KIF16B: variants seen among roughly 807,000 people sequenced by gnomAD.
The protein encoded by KIF16B is kinesin family member 16B.
Under a neutral mutation model 156.3 loss-of-function variants are expected in KIF16B, and 98 were observed. That is an observed-to-expected ratio of 0.63 (90% CI 0.53 to 0.74). The LOEUF (loss-of-function observed/expected upper bound fraction) is 0.74, where lower values mean the gene tolerates loss of function less well. Ranked by LOEUF, KIF16B falls within the 30% of genes least tolerant of loss-of-function variation. The pLI is 0.00. For missense variants in KIF16B, 1,421 were observed against 1,606.5 expected (o/e 0.88, Z 1.97); for synonymous variants, 564 against 583.7 (o/e 0.97, Z 0.49).
rs546588955 is a variant in KIF16B at position 16,385,813 on chromosome 20, A to T, written c.1785-4066T>A. On this transcript the variant is annotated intron_variant, in intron 17 of 25. Coordinates refer to ENST00000354981, the MANE Select transcript of KIF16B (RefSeq NM_024704.5). ...ACGGGGGACTCACTCCATACCTGGC[A>T]CTGTTCTAGGTACTGTGAATTTAAT... 2.6e-5 allele frequency among the ~76,000 whole-genome samples: 4 copies of T among 152,288 alleles called. No individual in the cohort carries two copies. The East Asian group carries it at 7.7e-4, about 29-fold the overall frequency.
intron 17 of KIF16B, among the ~76,000 whole-genome samples, chr20:16,384,369 C>A (rs766752458): frequency 3.3e-5 from 5 of 152,108 alleles, no homozygotes; most frequent in Non-Finnish European, 7.4e-5. Flanking sequence ...TCAAGGCAAG[C>A]TTCCTGAAGA....
intron 1 of KIF16B, 69 bp downstream of exon 1, chr20:16,573,160 G>A (rs2071517867): frequency 1.4e-6 from 2 of 1,435,840 alleles, no homozygotes; most frequent in Admixed American, 2.0e-5. Flanking sequence ...TGGCTTTGGG[G>A]GAGCTGGAAA....
intron 12 of KIF16B, among the ~76,000 whole-genome samples, chr20:16,433,643 A>G (rs906130999): frequency 6.6e-6 from 1 of 152,016 alleles, no homozygotes; most frequent in Non-Finnish European, 1.5e-5. Context: ...ATACACTTCC[A>G]TATATATAAT....
chr20:16,504,317 GA>G, intron 10 of KIF16B, 54 bp downstream of exon 10: 1 of 1,547,276 alleles, frequency 6.5e-7, no homozygotes, highest in Non-Finnish European at 8.9e-7. Flanking sequence ...TTAAGATCTA[GA>G]AATAGATGCC....
At chr20:16,274,202 T>C (rs1035270902) in intron 25 of KIF16B, among the ~76,000 whole-genome samples, 1 of 151,990 alleles carries the variant, frequency 6.6e-6, no homozygotes. Flanking sequence ...GGGAAAGCAA[T>C]ACTGAGGACA....
Position 16,303,186 on chromosome 20 carries a change from G to A in KIF16B, c.3795+9149C>T, listed in dbSNP as rs527970272. On this transcript the variant is annotated intron_variant, in intron 25 of 25. Coordinates refer to ENST00000354981, the MANE Select transcript of KIF16B (RefSeq NM_024704.5). The stretch of plus-strand genomic sequence containing the variant: ...ATTAACCATTACAACTATATAAGAT[G>A]GGTAATATTATTTCCATTTTATGCG... Among the ~76,000 whole-genome samples, 17 of 152,196 alleles carry A rather than the reference G, an allele frequency of 1.1e-4. No individual in the cohort carries two copies. The South Asian group carries it at 2.7e-3, about 24-fold the overall frequency.
rs905653981 is a variant in KIF16B at position 16,520,716 on chromosome 20, C to T, written c.232-5052G>A. Among the ~76,000 whole-genome samples, 3 of 152,194 alleles carry T rather than the reference C, an allele frequency of 2.0e-5. No homozygotes were observed. In the South Asian group the frequency reaches 6.2e-4, roughly 32 times the overall value. On this transcript the variant is annotated intron_variant, in intron 3 of 25. Coordinates refer to ENST00000354981, the MANE Select transcript of KIF16B (RefSeq NM_024704.5). ...CTGCCTCCTCAAGTGGGTCCCTGAC[C>T]CCTGTGCCTCCTGACTGAGAGACAC... is the stretch of plus-strand genomic sequence containing the variant.
chr20:16,513,086 C>G lies in KIF16B; in HGVS notation c.349-163G>C, dbSNP rs953462804. ...ACCCCCTCCAGGGCTGCTTTCTACT[C>G]TCTGAAATGAGATGATTGAGCCTTC... On this transcript the variant is annotated intron_variant, in intron 4 of 25. Coordinates refer to ENST00000354981, the MANE Select transcript of KIF16B (RefSeq NM_024704.5). 3.3e-5 allele frequency among the ~76,000 whole-genome samples: 5 copies of G among 152,326 alleles called. No homozygotes were observed. In the East Asian group the frequency reaches 7.7e-4, roughly 24 times the overall value.
chr20:16,513,053 C>T lies in KIF16B; in HGVS notation c.349-130G>A, dbSNP rs9305127. 9.0e-3 allele frequency: 5,769 copies of T among 640,908 alleles called. 249 individuals are homozygous for T. In the African/African-American group the frequency reaches 0.093, roughly 10 times the overall value. 39.7% of individuals were successfully genotyped at this position (640,908 alleles called of 1,614,324 possible). ...CCAACCCCTGGCCTACCACAGCCCA[C>T]GCCATATACCCCCTCCAGGGCTGCT... On this transcript the variant is annotated intron_variant, in intron 4 of 25. Coordinates refer to ENST00000354981, the MANE Select transcript of KIF16B (RefSeq NM_024704.5).
chr20:16,518,518 T>A (rs1297272716), intron 3 of KIF16B, among the ~76,000 whole-genome samples: 1 of 152,156 alleles, frequency 6.6e-6, no homozygotes, highest in African/African-American at 2.4e-5. Flanking sequence ...AACTCGCTCA[T>A]CGGGCATGTC....
At chr20:16,404,982 T>G in intron 16 of KIF16B, 81 bp from the exon 17 acceptor site, 7 of 908,674 alleles carry the variant, frequency 7.7e-6, no homozygotes, top group African/African-American at 1.6e-5. Context: ...TTCCAACATG[T>G]GAGAGACAAT....
chr20:16,548,961 G>A (rs182293733), intron 1 of KIF16B, among the ~76,000 whole-genome samples: 1 of 150,524 alleles, frequency 6.6e-6, no homozygotes, highest in African/African-American at 2.4e-5. Context: ...TAAATAAGGA[G>A]TTTTAAATAA....
intron 10 of KIF16B, among the ~76,000 whole-genome samples, chr20:16,502,587 A>T (rs62199780): frequency 0.011 from 1,751 of 152,286 alleles, 15 homozygotes; most frequent in Middle Eastern, 0.065. Flanking sequence ...CAGCAGTGGT[A>T]ATAAGTCATA....
intron 10 of KIF16B, among the ~76,000 whole-genome samples, chr20:16,501,586 A>T (rs1018447609): frequency 7.2e-5 from 11 of 152,016 alleles, no homozygotes; most frequent in Admixed American, 6.6e-4. Context: ...GAAATAGGAA[A>T]CCCCTCAAAT....
chr20:16,303,976 T>TA (rs916574015), intron 25 of KIF16B, among the ~76,000 whole-genome samples: 15 of 152,088 alleles, frequency 9.9e-5, no homozygotes, highest in African/African-American at 3.6e-4. Flanking sequence ...ATTTCCAGCT[T>TA]AGAGTTTAAC....
rs1392563997 is a variant in KIF16B, at chr20:16,272,718, T to C, written c.*535A>G. On this transcript the variant is annotated 3_prime_UTR_variant, in exon 26 of 26. Transcript: ENST00000354981. ...TGTAAACATCAGTGTTTGGGTTTTA[T>C]ATAAAAGTTCTGATTCAAATGAGGG... The C allele has an allele frequency of 6.5e-6, 1 of 152,820 alleles. No homozygotes were observed. The highest frequency in any genetic ancestry group is 2.4e-5 in the African/African-American group (1 of 41,458). The allele number at this position is 152,820 out of a possible 1,614,324, so 9.5% of individuals were successfully genotyped here.
At chr20:16,530,256 AC>A (rs2069694322) in intron 1 of KIF16B, among the ~76,000 whole-genome samples, 1 of 152,122 alleles carries the variant, frequency 6.6e-6, no homozygotes, top group South Asian at 2.1e-4. Flanking sequence ...CGGCACTCAC[AC>A]CCTGTCGTGT....
intron 20 of KIF16B, among the ~76,000 whole-genome samples, chr20:16,372,341 G>A (rs2064842337): frequency 6.6e-6 from 1 of 152,132 alleles, no homozygotes; most frequent in South Asian, 2.1e-4. Context: ...TCTGTACCTG[G>A]CCAGCAAGAC....
In KIF16B at chr20:16,494,365, ATACATACG is replaced by A. The variant is rs754924725; in HGVS notation, c.1243-23_1243-16del. 3.2e-5 allele frequency: 49 copies of A among 1,544,884 alleles called. No individual in the cohort carries two copies. Among genetic ancestry groups the A allele is most frequent in the Non-Finnish European group, 4.1e-5 (46 of 1,126,058 alleles). ...AATTCTTGAACCTGAAAAGAAAAAT[ATACATACG>A]TGACTGCTTCATAAAGAAAGTTTAT... On this transcript the variant is annotated splice_polypyrimidine_tract_variant and intron_variant, in intron 11 of 25. Transcript: ENST00000354981.
Sources: allele counts gnomAD v4.1 joint callset (sites outside exome capture counted in the v4.1 genomes callset), GRCh38; gene constraint gnomAD v4.1.1; transcripts MANE v1.5; gene names NCBI Gene and HGNC (gene_info 2026-07-23, HGNC 2026-07-21).